Variants in DUSP29 observed in about 807,000 individuals in gnomAD.
The protein encoded by DUSP29 is dual specificity phosphatase 29.
A neutral mutation model predicts 13.5 loss-of-function variants in DUSP29; 12 were observed. The observed-to-expected ratio is 0.89, with a 90% CI of 0.57 to 1.44. DUSP29 has a LOEUF of 1.44. Among genes scored for constraint, DUSP29 ranks in the 40% most tolerant of loss-of-function variants. The probability of loss-of-function intolerance (pLI) is 0.00; values close to 1 mark genes in which losing one functional copy is unlikely to be tolerated. For synonymous variants in DUSP29, 134 were observed against 128.7 expected, an observed-to-expected ratio of 1.04 and a Z score of -0.28; for missense variants, 308 against 301.1, an observed-to-expected ratio of 1.02 and a Z score of -0.17.
At chr10:75,059,819 T>G (rs147481848) in intron 1 of DUSP29, among the ~76,000 whole-genome samples, 113 of 152,008 alleles carry the variant, frequency 7.4e-4, no homozygotes, top group African/African-American at 2.6e-3. Flanking sequence ...ACATGAAAAA[T>G]AAAAATAATT....
chr10:75,051,331 GCACCGTGAGA>G (rs1846823855), intron 2 of DUSP29, among the ~76,000 whole-genome samples: 1 of 152,210 alleles, frequency 6.6e-6, no homozygotes, highest in Non-Finnish European at 1.5e-5. Flanking sequence ...AATGTACTGG[GCACCGTGAGA>G]CATGTTTTGC....
chr10:75,052,789 G>A (rs1387075141), intron 2 of DUSP29, among the ~76,000 whole-genome samples: 1 of 152,198 alleles, frequency 6.6e-6, no homozygotes, highest in African/African-American at 2.4e-5. Context: ...AAAATAACCT[G>A]CCCAAAGCCA....
chr10:75,039,648 C>T (rs1208952470), intron 3 of DUSP29, among the ~76,000 whole-genome samples: 2 of 152,186 alleles, frequency 1.3e-5, no homozygotes, highest in Admixed American at 6.5e-5. Flanking sequence ...CGCTCCGCCC[C>T]GCAGCCAGGT....
At chr10:75,059,861 T>A (rs1847048781) in intron 1 of DUSP29, among the ~76,000 whole-genome samples, 1 of 152,046 alleles carries the variant, frequency 6.6e-6, no homozygotes, top group Non-Finnish European at 1.5e-5. Flanking sequence ...AACACTTAGG[T>A]CATAATAATA....
chr10:75,043,462 T>C (rs1238549949), intron 3 of DUSP29, among the ~76,000 whole-genome samples: 3 of 152,194 alleles, frequency 2.0e-5, no homozygotes, highest in Non-Finnish European at 2.9e-5. Flanking sequence ...TCTTACGCCC[T>C]ATTTCCATTC....
intron 1 of DUSP29, among the ~76,000 whole-genome samples, chr10:75,060,726 C>T (rs1448399839): frequency 6.6e-6 from 1 of 152,112 alleles, no homozygotes; most frequent in African/African-American, 2.4e-5. Context: ...AAACTGCCAG[C>T]CACGTATGAA....
chr10:75,045,717 A>G (rs1846692555), intron 2 of DUSP29, among the ~76,000 whole-genome samples: 2 of 152,226 alleles, frequency 1.3e-5, no homozygotes, highest in Admixed American at 1.3e-4. Context: ...GGGCTGGAGC[A>G]TGGTGGGCCC....
chr10:75,064,465 G>A (rs989084901), intron 1 of DUSP29, among the ~76,000 whole-genome samples: 9 of 152,226 alleles, frequency 5.9e-5, no homozygotes, highest in South Asian at 4.1e-4. Flanking sequence ...CCGAGATCGC[G>A]CCACTGCACT....
chr10:75,069,274 G>A (rs902927465), intron 1 of DUSP29, among the ~76,000 whole-genome samples: 32 of 152,160 alleles, frequency 2.1e-4, no homozygotes, highest in African/African-American at 6.8e-4. Flanking sequence ...CAAGGGAGCC[G>A]GCCGGGATGG....
intron 1 of DUSP29, among the ~76,000 whole-genome samples, chr10:75,059,732 G>A (rs1847047098): frequency 6.6e-6 from 1 of 152,120 alleles, no homozygotes; most frequent in Admixed American, 6.5e-5. Context: ...TGGCTTCAAA[G>A]ACCATTAGGA....
chr10:75,043,933 G>A lies in DUSP29; in HGVS notation c.285C>T (p.Asp95=). 1.2e-6 allele frequency: 2 copies of A among 1,613,832 alleles called. No individual in the cohort carries two copies. Among genetic ancestry groups the A allele is most frequent in the Non-Finnish European group, 1.7e-6 (2 of 1,179,932 alleles). Residue 95 remains aspartate, a synonymous_variant, in exon 3 of 4, where the codon GAC becomes GAT. Coordinates refer to ENST00000338487, the MANE Select transcript of DUSP29 (RefSeq NM_001003892.3). ...TGTCGCGGTAGTAGTCGGGCCCAGT[G>A]TCCACGTTCCAGCGGCCGTGGGCCG... is the stretch of plus-strand genomic sequence containing the variant. ...LNAAHGRWNV[D]TGPDYYRDMD...
rs1042612116 is a variant in DUSP29, at chr10:75,073,560, C to T, written c.-35+9G>A. Among the ~76,000 whole-genome samples, 10 of 152,226 alleles carry T rather than the reference C, an allele frequency of 6.6e-5. No individual in the cohort carries two copies. The highest frequency in any genetic ancestry group is 2.2e-4 in the African/African-American group (9 of 41,466). ...AAGGGGTGCCGGCCTCCCCACCCAG[C>T]GGCCTTACCTGGGTGTGCCGGGGCC... On this transcript the variant is annotated intron_variant, in intron 1 of 3. Coordinates refer to ENST00000338487, the MANE Select transcript of DUSP29 (RefSeq NM_001003892.3).
In DUSP29 at chr10:75,050,875, A is replaced by G. The variant is rs978556914; in HGVS notation, c.201-6858T>C. ...TGAGCCGGCAGAGTGAGCACCCTCC[A>G]CGTTGCCCTCCTGTTTGTGGCCTTT... is the stretch of plus-strand genomic sequence containing the variant. On this transcript the variant is annotated intron_variant, in intron 2 of 3. Transcript: ENST00000338487. Among the ~76,000 whole-genome samples the G allele has an allele frequency of 2.6e-5, 4 of 152,318 alleles. No homozygotes were observed. The Middle Eastern group carries it at 0.01, about 389-fold the overall frequency.
chr10:75,058,450 G>A lies in DUSP29; in HGVS notation c.65C>T (p.Pro22Leu), dbSNP rs145329751. 47 of 1,614,086 alleles carry A rather than the reference G, an allele frequency of 2.9e-5. No homozygotes were observed. The highest frequency in any genetic ancestry group is 2.8e-4 in the African/African-American group (21 of 74,918). ...NAYSSAKRLSPKMEEEGEEED... is the reference protein window; with the variant it reads ...NAYSSAKRLSLKMEEEGEEED... ...CTCCTCCCCTTCCTCCTCCATCTTC[G>A]GCGACAGCCTCTTGGCAGATGAGTA... The change falls in exon 2 of 4, where the codon CCG becomes CTG. Residue 22 changes from proline (P) to leucine (L), a missense_variant. Transcript: ENST00000338487.
chr10:75,072,983 T>C (rs1847366128), intron 1 of DUSP29, among the ~76,000 whole-genome samples: 1 of 151,752 alleles, frequency 6.6e-6, no homozygotes, highest in Admixed American at 6.6e-5. Context: ...TGATCCTTCA[T>C]GACCCAGTCC....
intron 1 of DUSP29, among the ~76,000 whole-genome samples, chr10:75,070,075 A>T (rs536940655): frequency 0.14 from 84 of 608 alleles, 2 homozygotes; most frequent in African/African-American, 0.36. Flanking sequence ...AGAAGAAAGG[A>T]AGGAAGGAAG....
At chr10:75,058,690 C>T (rs915941426) in intron 1 of DUSP29, among the ~76,000 whole-genome samples, 142 bp from the exon 2 acceptor site, 9 of 152,264 alleles carry the variant, frequency 5.9e-5, no homozygotes, top group East Asian at 1.9e-4. Context: ...CTTCCTCTTC[C>T]CAGGCCACAC....
intron 2 of DUSP29, among the ~76,000 whole-genome samples, chr10:75,057,401 G>A (rs1460312134): frequency 1.3e-5 from 2 of 152,208 alleles, no homozygotes; most frequent in East Asian, 3.8e-4. Flanking sequence ...GGGAGGAGCA[G>A]TTAAGAACAA....
At chr10:75,061,996 G>T (rs1165963876) in intron 1 of DUSP29, among the ~76,000 whole-genome samples, 1 of 152,218 alleles carries the variant, frequency 6.6e-6, no homozygotes, top group African/African-American at 2.4e-5. Flanking sequence ...CAGGCGCAGG[G>T]TGGGCTGCCC....
Sources: allele counts gnomAD v4.1 joint callset (sites outside exome capture counted in the v4.1 genomes callset), GRCh38; gene constraint gnomAD v4.1.1; transcripts MANE v1.5; gene names NCBI Gene and HGNC (gene_info 2026-07-23, HGNC 2026-07-21).